Variants in ECT2L observed in about 807,000 individuals in gnomAD.
The protein encoded by ECT2L is epithelial cell transforming 2 like, also known as epithelial cell-transforming sequence 2 oncogene-like.
Under a neutral mutation model 122.8 loss-of-function variants are expected in ECT2L, and 126 were observed. That is an observed-to-expected ratio of 1.03 (90% CI 0.89 to 1.19). The LOEUF (loss-of-function observed/expected upper bound fraction) is 1.19. Among genes scored for constraint, ECT2L ranks in the 50% most tolerant of loss-of-function variants. The pLI, the probability that ECT2L is intolerant of heterozygous loss-of-function variation, is 0.00. For missense variants in ECT2L, 1,012 were observed against 1,064.1 expected (o/e 0.95, Z 0.68); for synonymous variants, 385 against 381.8 (o/e 1.01, Z -0.10).
At chr6:138,839,281 T>C (rs1367859944) in intron 5 of ECT2L, among the ~76,000 whole-genome samples, 1 of 152,162 alleles carries the variant, frequency 6.6e-6, no homozygotes, top group Non-Finnish European at 1.5e-5. Context: ...AAAATCAACA[T>C]CTTTTGCCAT....
rs540969217 is a variant in ECT2L at position 138,853,007 on chromosome 6, G to A, written c.1070-1019G>A. Among the ~76,000 whole-genome samples, 33 of 152,076 alleles carry A rather than the reference G, an allele frequency of 2.2e-4. 1 individual carries two copies. The East Asian group carries it at 5.0e-3, about 23-fold the overall frequency. ...GTTTGAGATGGAGTCTCGCTCTGTC[G>A]CCCAGGCTGGAGTACAGCGGCACGA... On this transcript the variant is annotated intron_variant, in intron 9 of 21. Transcript: ENST00000541398.
rs188699133 is a variant in ECT2L at position 138,849,637 on chromosome 6, C to T, written c.1069+203C>T. 3.5e-3 allele frequency among the ~76,000 whole-genome samples: 533 copies of T among 150,688 alleles called. 1 individual carries two copies. Among genetic ancestry groups the T allele is most frequent in the African/African-American group, 0.013 (516 of 40,928 alleles). ...AGGTTGGAGTGCACTGGTGTGATCACGGCTCACTGCAGCCTGGACTTCCCA... is the reference window on the plus strand; with the variant it reads ...AGGTTGGAGTGCACTGGTGTGATCATGGCTCACTGCAGCCTGGACTTCCCA... On this transcript the variant is annotated intron_variant, in intron 9 of 21. Transcript: ENST00000541398.
At chr6:138,803,169 A>G (rs1775602427) in intron 1 of ECT2L, among the ~76,000 whole-genome samples, 1 of 152,000 alleles carries the variant, frequency 6.6e-6, no homozygotes, top group Non-Finnish European at 1.5e-5. Context: ...AGGCCAGAGA[A>G]TCACTTGAGG....
At chr6:138,882,554 GTT>G (rs944861452) in intron 15 of ECT2L, among the ~76,000 whole-genome samples, 168 bp from the exon 16 acceptor site, 2 of 152,156 alleles carry the variant, frequency 1.3e-5, no homozygotes, top group African/African-American at 2.4e-5. Flanking sequence ...TCACGTCCCA[GTT>G]CCCTTTCCTG....
rs190407268 is a variant in ECT2L at position 138,814,389 on chromosome 6, A to G, written c.67-102A>G. On this transcript the variant is annotated intron_variant, in intron 3 of 21. Coordinates refer to ENST00000541398, the MANE Select transcript of ECT2L (RefSeq NM_001077706.3). ...TCTGTGAACTGTAATGCACTCTGCA[A>G]ATATTAGCTGTGAGGTTGCTGGTAG... is the stretch of plus-strand genomic sequence containing the variant. The G allele has an allele frequency of 2.3e-5, 15 of 658,610 alleles. No homozygotes were observed. The East Asian group carries it at 3.6e-4, about 16-fold the overall frequency. The allele number at this position is 658,610 out of a possible 1,614,324, so 40.8% of individuals were successfully genotyped here.
At chr6:138,796,782 A>G (rs573718376) in intron 1 of ECT2L, among the ~76,000 whole-genome samples, 2 of 152,244 alleles carry the variant, frequency 1.3e-5, no homozygotes, top group Admixed American at 6.5e-5. Flanking sequence ...TAAACTTTGC[A>G]TATGTATCAG....
chr6:138,799,776 C>T lies in ECT2L; in HGVS notation c.-244+3584C>T, dbSNP rs1209003083. On this transcript the variant is annotated intron_variant, in intron 1 of 21. Transcript: ENST00000541398. The stretch of plus-strand genomic sequence containing the variant: ...ATATTGGCCAGGCTGATCTGGAACT[C>T]CTGAGCTCAAACAATCCACCCACTC... Among the ~76,000 whole-genome samples the T allele has an allele frequency of 2.6e-5, 4 of 152,170 alleles. No individual in the cohort carries two copies. The South Asian group carries it at 8.3e-4, about 31-fold the overall frequency.
At chr6:138,831,657 A>AT (rs1159920764) in intron 4 of ECT2L, among the ~76,000 whole-genome samples, 1 of 152,256 alleles carries the variant, frequency 6.6e-6, no homozygotes, top group Non-Finnish European at 1.5e-5. Flanking sequence ...TATTTATTAG[A>AT]TTTTTTTAAA....
At chr6:138,877,097 T>C (rs1778477473) in intron 14 of ECT2L, among the ~76,000 whole-genome samples, 1 of 152,118 alleles carries the variant, frequency 6.6e-6, no homozygotes, top group East Asian at 1.9e-4. Flanking sequence ...CAGAATCCTA[T>C]AAAGGACACA....
chr6:138,840,582 C>T (rs1284541475), intron 5 of ECT2L, among the ~76,000 whole-genome samples: 1 of 111,838 alleles, frequency 8.9e-6, no homozygotes, highest in African/African-American at 3.1e-5. Context: ...TCTAGGTTGG[C>T]AGCTAATTTT....
At chr6:138,814,913 GAC>G (rs1306924437) in intron 4 of ECT2L, among the ~76,000 whole-genome samples, 2 of 152,180 alleles carry the variant, frequency 1.3e-5, no homozygotes, top group Non-Finnish European at 2.9e-5. Flanking sequence ...CCATCAGACA[GAC>G]AATATATTGC....
intron 20 of ECT2L, among the ~76,000 whole-genome samples, chr6:138,895,626 A>G (rs1779182617): frequency 1.3e-5 from 2 of 152,104 alleles, no homozygotes; most frequent in Admixed American, 1.3e-4. Context: ...GCTGGAGTGC[A>G]GTGGTGTGAT....
intron 13 of ECT2L, among the ~76,000 whole-genome samples, chr6:138,873,045 T>C (rs529863116): frequency 3.3e-5 from 5 of 152,260 alleles, no homozygotes; most frequent in South Asian, 2.1e-4. Flanking sequence ...CCAAATAAAA[T>C]TCAAAATGAA....
chr6:138,806,545 C>T (rs376114278), intron 1 of ECT2L, among the ~76,000 whole-genome samples: 34 of 105,894 alleles, frequency 3.2e-4, no homozygotes, highest in Admixed American at 6.9e-4. Flanking sequence ...TGGAGTCACG[C>T]TCTGTCCCCC....
intron 20 of ECT2L, among the ~76,000 whole-genome samples, chr6:138,895,949 A>C (rs78258639): frequency 0.021 from 3,270 of 152,302 alleles, 124 homozygotes; most frequent in African/African-American, 0.074. Flanking sequence ...CAGTTATTTT[A>C]AGAGCTGGGA....
intron 12 of ECT2L, 127 bp downstream of exon 12, chr6:138,865,305 C>A: frequency 1.2e-6 from 1 of 860,462 alleles, no homozygotes. Flanking sequence ...AATTTTATCT[C>A]CTAGGTTGCT....
Position 138,880,461 on chromosome 6 carries a change from G to A in ECT2L, c.1666-496G>A, listed in dbSNP as rs376512581. On this transcript the variant is annotated intron_variant, in intron 14 of 21. Coordinates refer to ENST00000541398, the MANE Select transcript of ECT2L (RefSeq NM_001077706.3). ...ACATTGGCTACACCTGAATTTTGGA[G>A]GGGACACATTCAAACTGTAGCAGAG... 2.6e-4 allele frequency among the ~76,000 whole-genome samples: 39 copies of A among 152,282 alleles called. No homozygotes were observed. In the East Asian group the frequency reaches 4.6e-3, roughly 18 times the overall value.
chr6:138,881,041 A>T lies in ECT2L; in HGVS notation c.1750A>T (p.Ile584Leu), dbSNP rs1778627881. 6.2e-7 allele frequency: 1 copy of T among 1,614,078 alleles called. No homozygotes were observed. Among genetic ancestry groups the T allele is most frequent in the Admixed American group, 1.7e-5 (1 of 59,998 alleles). ...LLQSERKYVQ[I>L]LEIVRDVYVA... Reference sequence around the variant, plus strand: ...ACAGAGTGAGAGAAAATACGTGCAGATACTGGAAATTGTGAGAGATGTTTA... The same window carrying T: ...ACAGAGTGAGAGAAAATACGTGCAGTTACTGGAAATTGTGAGAGATGTTTA... The change falls in exon 15 of 22, where the codon ATA (isoleucine) becomes TTA (leucine). Residue 584 changes from isoleucine to leucine, a missense_variant. Coordinates refer to ENST00000541398, the MANE Select transcript of ECT2L (RefSeq NM_001077706.3).
intron 20 of ECT2L, among the ~76,000 whole-genome samples, chr6:138,890,787 T>C (rs764718357): frequency 1.3e-5 from 2 of 152,172 alleles, no homozygotes; most frequent in Non-Finnish European, 2.9e-5. Flanking sequence ...CTCAAATTTT[T>C]TGTGTGTAAA....
Sources: gnomAD v4.1 joint callset for allele counts (sites outside exome capture counted in the v4.1 genomes callset) on GRCh38, gnomAD v4.1.1 for gene constraint, MANE v1.5 for transcripts, NCBI Gene and HGNC (gene_info 2026-07-23, HGNC 2026-07-21) for gene names.